The following ITPR1 variants were observed in gnomAD, a reference collection of about 807,000 sequenced individuals.
ITPR1 encodes the protein inositol 1,4,5-trisphosphate receptor type 1.
In ITPR1, 96 loss-of-function variants were observed where a neutral mutation model predicts 318.4. That is an observed-to-expected ratio of 0.30 (90% CI 0.26 to 0.36). ITPR1 has a LOEUF of 0.36. ITPR1 is among the 10% of genes least tolerant of loss of function. The pLI is 1.00. For synonymous variants in ITPR1, 1,312 were observed against 1,289.9 expected (o/e 1.02, Z -0.37); for missense variants, 2,440 against 3,460.2 (o/e 0.71, Z 7.40).
intron 4 of ITPR1, among the ~76,000 whole-genome samples, chr3:4,536,569 A>C (rs888161914): frequency 2.6e-5 from 4 of 152,202 alleles, no homozygotes; most frequent in African/African-American, 9.6e-5. Context: ...TTATGAAGAG[A>C]GATGAGTGAG....
intron 34 of ITPR1, among the ~76,000 whole-genome samples, chr3:4,697,799 A>G (rs2094584177): frequency 6.6e-6 from 1 of 152,036 alleles, no homozygotes. Context: ...TTATTTATCA[A>G]TCTGCAGGGA....
At chr3:4,708,826 T>C (rs1314497548) in intron 37 of ITPR1, among the ~76,000 whole-genome samples, 2 of 152,228 alleles carry the variant, frequency 1.3e-5, no homozygotes, top group African/African-American at 4.8e-5. Flanking sequence ...TATAAGAAAT[T>C]CACTCGCAAA....
intron 34 of ITPR1, among the ~76,000 whole-genome samples, 191 bp from the exon 35 acceptor site, chr3:4,699,622 A>T (rs1222718912): frequency 6.6e-6 from 1 of 152,210 alleles, no homozygotes; most frequent in East Asian, 1.9e-4. Context: ...GCATCATGAT[A>T]TCCAAGCTGA....
chr3:4,645,021 ATTT>A (rs1376134641), intron 8 of ITPR1, among the ~76,000 whole-genome samples: 5 of 151,904 alleles, frequency 3.3e-5, no homozygotes, highest in Admixed American at 3.3e-4. Flanking sequence ...CACTGGACTC[ATTT>A]TTTTTCCCTT....
intron 60 of ITPR1, among the ~76,000 whole-genome samples, chr3:4,819,988 C>T (rs1343678979): frequency 6.6e-6 from 1 of 152,176 alleles, no homozygotes; most frequent in Non-Finnish European, 1.5e-5. Flanking sequence ...AATCGCACTC[C>T]ATAATCATGT....
intron 4 of ITPR1, among the ~76,000 whole-genome samples, chr3:4,627,402 C>T (rs1476324043): frequency 2.0e-5 from 3 of 151,960 alleles, no homozygotes; most frequent in African/African-American, 4.8e-5. Context: ...AGGCGGAGGT[C>T]GCAGTGAGCC....
chr3:4,704,026 G>A (rs186560666), intron 36 of ITPR1, among the ~76,000 whole-genome samples: 4 of 152,280 alleles, frequency 2.6e-5, no homozygotes, highest in African/African-American at 4.8e-5. Context: ...AATACCACAC[G>A]TTCTCACTTA....
intron 10 of ITPR1, among the ~76,000 whole-genome samples, chr3:4,650,550 G>A (rs1049127674): frequency 2.6e-5 from 4 of 151,020 alleles, no homozygotes; most frequent in Non-Finnish European, 5.9e-5. Flanking sequence ...CTCAGCTGCT[G>A]TAAAGATTTT....
In ITPR1 at chr3:4,800,580, T is replaced by C; in HGVS notation, c.7087T>C (p.Phe2363Leu). 3.1e-6 allele frequency: 5 copies of C among 1,614,068 alleles called. No individual in the cohort carries two copies. Among genetic ancestry groups the C allele is most frequent in the Non-Finnish European group, 3.4e-6 (4 of 1,179,900 alleles). ...TTCAGTCGGGTTACAACCCACGTTG[T>C]TTCTTCTGGGCGCTTTCAATGTAAG... Reference protein sequence around the residue: ...IFSVGLQPTLFLLGAFNVCNK... With the variant: ...IFSVGLQPTLLLLGAFNVCNK... Residue 2363 changes from phenylalanine to leucine, a missense_variant, in exon 54 of 62, where the codon TTT (phenylalanine) becomes CTT (leucine). Physicochemically the swap from Phe to Leu is conservative, Grantham distance 22. This residue lies in a region of ITPR1 where 126 missense variants were observed against 150.8 expected (regional missense o/e 0.84). Coordinates refer to ENST00000649015, the MANE Select transcript of ITPR1 (RefSeq NM_001378452.1).
At chr3:4,622,585 A>G (rs1175288993) in intron 4 of ITPR1, among the ~76,000 whole-genome samples, 1 of 151,346 alleles carries the variant, frequency 6.6e-6, no homozygotes, top group Non-Finnish European at 1.5e-5. Flanking sequence ...CACCACGCCC[A>G]GCTAATTTTT....
chr3:4,609,663 G>T (rs1192219239), intron 4 of ITPR1, among the ~76,000 whole-genome samples: 1 of 151,924 alleles, frequency 6.6e-6, no homozygotes, highest in African/African-American at 2.4e-5. Context: ...GGAGAACATG[G>T]AGGGATGGAA....
chr3:4,812,851 A>T (rs1357082305), intron 56 of ITPR1, among the ~76,000 whole-genome samples: 1 of 152,216 alleles, frequency 6.6e-6, no homozygotes, highest in Non-Finnish European at 1.5e-5. Context: ...CAGAGTCTGT[A>T]CGTTCAGTAG....
chr3:4,813,331 C>T, intron 57 of ITPR1, 97 bp downstream of exon 57: 1 of 823,816 alleles, frequency 1.2e-6, no homozygotes, highest in East Asian at 2.5e-5. Flanking sequence ...ATTTACTGCT[C>T]AGGAGTAAGG....
At chr3:4,587,443 G>A (rs1178687714) in intron 4 of ITPR1, among the ~76,000 whole-genome samples, 1 of 152,038 alleles carries the variant, frequency 6.6e-6, no homozygotes, top group East Asian at 1.9e-4. Context: ...GCTAATTTTT[G>A]TGTTTTTAGT....
At chr3:4,757,154 A>G (rs537285580) in intron 44 of ITPR1, among the ~76,000 whole-genome samples, 40 of 152,008 alleles carry the variant, frequency 2.6e-4, no homozygotes, top group South Asian at 6.2e-4. Context: ...TTCTCCAGGC[A>G]CTCTCTGCCT....
chr3:4,645,740 G>T lies in ITPR1; in HGVS notation c.855+12G>T, dbSNP rs1575874629. On this transcript the variant is annotated intron_variant, in intron 10 of 61. Transcript: ENST00000649015. ...TGTGGGAGGTGGAGGTAAGGGTAGG[G>T]TGGAGAAAGGGCTCCTGGGTTTAGA... 1 of 1,610,734 alleles carries T rather than the reference G, an allele frequency of 6.2e-7. No individual in the cohort carries two copies. Among genetic ancestry groups the T allele is most frequent in the Middle Eastern group, 1.7e-4 (1 of 6,054 alleles).
At chr3:4,614,906 C>A (rs1244725658) in intron 4 of ITPR1, among the ~76,000 whole-genome samples, 3 of 152,110 alleles carry the variant, frequency 2.0e-5, no homozygotes, top group African/African-American at 7.2e-5. Context: ...ATTTTCATTC[C>A]CAGCAGAGCA....
intron 4 of ITPR1, among the ~76,000 whole-genome samples, chr3:4,622,924 T>C (rs1235441818): frequency 6.6e-6 from 1 of 152,212 alleles, no homozygotes; most frequent in Non-Finnish European, 1.5e-5. Context: ...AGTCTCTGCC[T>C]TCAGAGACCT....
At chr3:4,601,499 CAAA>C (rs33950775) in intron 4 of ITPR1, among the ~76,000 whole-genome samples, 58,812 of 131,498 alleles carry the variant, frequency 0.45, 12,265 homozygotes, top group African/African-American at 0.56. Context: ...GACCCTGTCT[CAAA>C]AAAAAAAAAA....
Sources: gnomAD v4.1 joint callset for allele counts (sites outside exome capture counted in the v4.1 genomes callset) on GRCh38, gnomAD v4.1.1 for gene constraint, gnomAD v4.1.1 regional missense constraint, MANE v1.5 for transcripts, NCBI Gene and HGNC (gene_info 2026-07-23, HGNC 2026-07-21) for gene names.